ADGRB3: variants seen among roughly 807,000 people sequenced by gnomAD.
ADGRB3 encodes brain-specific angiogenesis inhibitor 3.
ADGRB3 carries 37 observed loss-of-function variants against 193.4 expected under a neutral mutation model. That is an observed-to-expected ratio of 0.19 (90% CI 0.15 to 0.25). ADGRB3 has a LOEUF of 0.25. Ranked by LOEUF, ADGRB3 falls within the 10% of genes least tolerant of loss-of-function variation. The probability of loss-of-function intolerance (pLI) is 1.00; values close to 1 mark genes in which losing one functional copy is unlikely to be tolerated. For synonymous variants in ADGRB3, 690 were observed against 644.2 expected, an observed-to-expected ratio of 1.07 and a Z score of -1.08; for missense variants, 1,637 against 1,852.9, an observed-to-expected ratio of 0.88 and a Z score of 2.14.
At chr6:68,813,147 C>G (rs890447095) in intron 3 of ADGRB3, among the ~76,000 whole-genome samples, 2 of 152,108 alleles carry the variant, frequency 1.3e-5, no homozygotes, top group African/African-American at 4.8e-5. Context: ...GTAAATAAGT[C>G]TCACGAGATC....
At chr6:69,236,073 AT>A (rs1766259464) in intron 19 of ADGRB3, among the ~76,000 whole-genome samples, 1 of 152,004 alleles carries the variant, frequency 6.6e-6, no homozygotes, top group Non-Finnish European at 1.5e-5. Flanking sequence ...CTTAATCTTT[AT>A]TCACTTAAGA....
At chr6:68,951,840 C>T (rs1025847823) in intron 6 of ADGRB3, among the ~76,000 whole-genome samples, 6 of 152,068 alleles carry the variant, frequency 3.9e-5, no homozygotes, top group African/African-American at 1.4e-4. Flanking sequence ...CATTGATTGT[C>T]TCTACTACCT....
chr6:69,232,552 A>T, intron 17 of ADGRB3: 1 of 1,535,678 alleles, frequency 6.5e-7, no homozygotes, highest in Non-Finnish European at 8.7e-7. Context: ...CCCAGGGCAA[A>T]GAAGCAGTTG....
intron 3 of ADGRB3, among the ~76,000 whole-genome samples, chr6:68,815,268 T>C (rs1392655013): frequency 1.3e-5 from 2 of 152,158 alleles, no homozygotes; most frequent in Non-Finnish European, 2.9e-5. Flanking sequence ...TCTAAACCTT[T>C]TCCTTTGTTT....
intron 17 of ADGRB3, among the ~76,000 whole-genome samples, 196 bp downstream of exon 17, chr6:69,076,234 C>G (rs566512117): frequency 2.3e-4 from 35 of 152,142 alleles, no homozygotes; most frequent in Admixed American, 2.3e-3. Context: ...GGTTACATCT[C>G]AAGATAGTAT....
intron 5 of ADGRB3, 145 bp downstream of exon 5, chr6:68,936,825 T>G (rs1414978465): frequency 1.0e-6 from 1 of 968,284 alleles, no homozygotes; most frequent in African/African-American, 1.7e-5. Flanking sequence ...CTGTAATATT[T>G]TAAGATGTCT....
At chr6:68,678,599 A>G (rs1216700991) in intron 3 of ADGRB3, among the ~76,000 whole-genome samples, 1 of 152,194 alleles carries the variant, frequency 6.6e-6, no homozygotes, top group Non-Finnish European at 1.5e-5. Context: ...AATCAAAGGA[A>G]GGTTGGATGA....
intron 3 of ADGRB3, among the ~76,000 whole-genome samples, chr6:68,667,614 G>T (rs1582110024): frequency 1.3e-5 from 2 of 151,800 alleles, no homozygotes; most frequent in East Asian, 1.9e-4. Context: ...CTTTCTTCCA[G>T]GAAAACAGAA....
At chr6:69,266,484 C>A (rs913950078) in intron 20 of ADGRB3, among the ~76,000 whole-genome samples, 124 of 152,136 alleles carry the variant, frequency 8.2e-4, no homozygotes, top group African/African-American at 2.9e-3. Context: ...AAAAGCTAAT[C>A]TCTGTCCACA....
At chr6:69,171,822 G>A (rs890274119) in intron 17 of ADGRB3, among the ~76,000 whole-genome samples, 1 of 152,186 alleles carries the variant, frequency 6.6e-6, no homozygotes, top group Non-Finnish European at 1.5e-5. Flanking sequence ...TCCTGTGGAA[G>A]ATGTTGCTAC....
chr6:68,882,051 C>A (rs1236728746), intron 3 of ADGRB3, among the ~76,000 whole-genome samples: 1 of 152,052 alleles, frequency 6.6e-6, no homozygotes, highest in Non-Finnish European at 1.5e-5. Context: ...TAAACTAGAG[C>A]CGTTAGCAAG....
At chr6:69,347,297 G>A (rs1240226265) in intron 26 of ADGRB3, among the ~76,000 whole-genome samples, 2 of 152,072 alleles carry the variant, frequency 1.3e-5, no homozygotes, top group Non-Finnish European at 2.9e-5. Context: ...CATGGCACAT[G>A]TATACCTATG....
At chr6:69,075,741 A>G (rs574724367) in intron 16 of ADGRB3, among the ~76,000 whole-genome samples, 29 of 152,308 alleles carry the variant, frequency 1.9e-4, no homozygotes, top group African/African-American at 7.0e-4. Context: ...CCTTGCTTTT[A>G]ACTTCCAGCA....
intron 13 of ADGRB3, among the ~76,000 whole-genome samples, chr6:69,040,801 A>C (rs1771044077): frequency 6.6e-6 from 1 of 151,590 alleles, no homozygotes; most frequent in Non-Finnish European, 1.5e-5. Flanking sequence ...TAGCTAAGTA[A>C]AGTTTCTATA....
intron 29 of ADGRB3, among the ~76,000 whole-genome samples, chr6:69,365,606 G>A (rs2127335653): frequency 6.6e-6 from 1 of 152,126 alleles, no homozygotes; most frequent in African/African-American, 2.4e-5. Flanking sequence ...CAGTTAGATA[G>A]TACATTACAA....
At chr6:69,387,070 C>A (rs1435902924) in intron 31 of ADGRB3, among the ~76,000 whole-genome samples, 1 of 152,006 alleles carries the variant, frequency 6.6e-6, no homozygotes, top group Admixed American at 6.6e-5. Context: ...CCTTGGCCCA[C>A]AATATAAAGC....
chr6:69,298,840 T>C (rs1307403824), intron 20 of ADGRB3, among the ~76,000 whole-genome samples: 2 of 152,020 alleles, frequency 1.3e-5, no homozygotes, highest in Non-Finnish European at 2.9e-5. Context: ...CTGCAATAAA[T>C]GTAAGAGCTC....
At chr6:68,841,918 A>G (rs548806276) in intron 3 of ADGRB3, among the ~76,000 whole-genome samples, 14 of 126,026 alleles carry the variant, frequency 1.1e-4, no homozygotes, top group African/African-American at 3.5e-4. Flanking sequence ...TAATTGGTAC[A>G]AAAAATAGGA....
chr6:69,118,639 G>T (rs1773598420), intron 17 of ADGRB3, among the ~76,000 whole-genome samples: 1 of 151,654 alleles, frequency 6.6e-6, no homozygotes, highest in African/African-American at 2.4e-5. Context: ...AGTAGAGGGT[G>T]TCACACTAGA....
Sources: allele counts gnomAD v4.1 joint callset (sites outside exome capture counted in the v4.1 genomes callset), GRCh38; gene constraint gnomAD v4.1.1; transcripts MANE v1.5; gene names NCBI Gene and HGNC (gene_info 2026-07-23, HGNC 2026-07-21).